The following RASAL1 variants were observed in gnomAD, a reference collection of about 807,000 sequenced individuals.
The protein encoded by RASAL1 is RAS protein activator like 1.
RASAL1 carries 72 observed loss-of-function variants against 96.6 expected under a neutral mutation model. The ratio of observed to expected loss-of-function variants is 0.75; its 90% CI spans 0.62 to 0.91. RASAL1 has a LOEUF of 0.91. Among genes scored for constraint, RASAL1 ranks in the 40% least tolerant of loss-of-function variants. The probability of loss-of-function intolerance (pLI) is 0.00; values close to 1 mark genes in which losing one functional copy is unlikely to be tolerated. For synonymous variants in RASAL1, 405 were observed against 430.4 expected (o/e 0.94, Z 0.73); for missense variants, 1,016 against 1,072.5 (o/e 0.95, Z 0.74).
intron 14 of RASAL1, among the ~76,000 whole-genome samples, chr12:113,107,755 A>G (rs1950703575): frequency 1.3e-5 from 2 of 151,162 alleles, no homozygotes; most frequent in South Asian, 4.2e-4. Context: ...CTCCCCAAGA[A>G]CTGCTCAGTC....
In RASAL1 at chr12:113,129,007, CCATT is replaced by C. The variant is rs1951602343; in HGVS notation, c.123-833_123-830del. Among the ~76,000 whole-genome samples the C allele has an allele frequency of 6.8e-6, 1 of 147,612 alleles. No homozygotes were observed. The highest frequency in any genetic ancestry group is 2.6e-5 in the African/African-American group (1 of 38,708). On this transcript the variant is annotated intron_variant, in intron 2 of 20. Transcript: ENST00000548055. The surrounding 1 kb of genome is among the most constrained non-coding windows in gnomAD (Gnocchi z 5.0). ...CACACACACACACACACACACAATT[CCATT>C]CATTCATTTGTTCATTCGTTTACTC... is the stretch of plus-strand genomic sequence containing the variant.
In RASAL1 at chr12:113,112,115, C is replaced by T; in HGVS notation, c.1345G>A (p.Glu449Lys). 2 of 1,246,758 alleles carry T rather than the reference C, an allele frequency of 1.6e-6. No homozygotes were observed. The highest frequency in any genetic ancestry group is 7.7e-5 in the South Asian group (2 of 26,098). 77.2% of individuals were successfully genotyped at this position (1,246,758 alleles called of 1,614,324 possible). A position where few individuals can be genotyped will look rare whatever the true frequency, so the allele number is the denominator to read the frequency against. The change falls in exon 13 of 21, where the codon GAG becomes AAG. Residue 449 changes from glutamate to lysine, a missense_variant. Physicochemically the swap from Glu to Lys is moderately conservative, Grantham distance 56 (BLOSUM62 1). Transcript: ENST00000548055. ...TGCTCGGCCTGGGGGAAGCGCTCCT[C>T]CACTCGCCGGTGCAGCTGCTTGAAG... The part of the protein sequence containing the change: ...LAFKQLHRRV[E>K]ERFPQAEHQD...
Position 113,099,498 on chromosome 12 carries a change from G to A in RASAL1, c.*431C>T, listed in dbSNP as rs1271661448. The A allele has an allele frequency of 6.4e-6, 1 of 155,734 alleles. No homozygotes were observed. The highest frequency in any genetic ancestry group is 1.4e-5 in the Non-Finnish European group (1 of 70,538). 9.6% of individuals were successfully genotyped at this position (155,734 alleles called of 1,614,324 possible). The stretch of plus-strand genomic sequence containing the variant: ...ATCAGTGAGGTTATAGGGATTAGCA[G>A]ACATGAAAACAGGAAGGAGTGAGGC... On this transcript the variant is annotated 3_prime_UTR_variant, in exon 21 of 21. Coordinates refer to ENST00000548055, the MANE Select transcript of RASAL1 (RefSeq NM_001301202.2).
At position 113,127,846 on chromosome 12, in the gene RASAL1, C is replaced by G; in HGVS notation, c.264G>C (p.Ser88=). The G allele has an allele frequency of 1.2e-6, 2 of 1,613,326 alleles. No individual in the cohort carries two copies. The highest frequency in any genetic ancestry group is 1.7e-6 in the Non-Finnish European group (2 of 1,179,360). ...CGGCTGTAATCGCCTCCCTGCTCAG[C>G]GAGATCTTGCCGATGATGTCGTCGT... ...VGHDDIIGKI[S]LSREAITADP... Residue 88 remains serine, a synonymous_variant, in exon 4 of 21, where the codon TCG becomes TCC. Transcript: ENST00000548055.
At chr12:113,125,400 A>G (rs1400974700) in intron 4 of RASAL1, among the ~76,000 whole-genome samples, 1 of 152,228 alleles carries the variant, frequency 6.6e-6, no homozygotes, top group African/African-American at 2.4e-5. Context: ...CTACAAATCA[A>G]TAAGAAAAGG....
intron 12 of RASAL1, 30 bp downstream of exon 12, chr12:113,114,770 G>A (rs375978420): frequency 2.4e-5 from 38 of 1,585,630 alleles, no homozygotes; most frequent in African/African-American, 5.4e-5. Flanking sequence ...GGGGCCCGTC[G>A]GAAGGTCAGG....
intron 7 of RASAL1, among the ~76,000 whole-genome samples, chr12:113,118,825 G>A (rs138458660): frequency 6.6e-6 from 1 of 152,156 alleles, no homozygotes; most frequent in Non-Finnish European, 1.5e-5. Flanking sequence ...AAGTAATGAG[G>A]CTCTGTGGGA....
intron 7 of RASAL1, 72 bp from the exon 8 acceptor site, chr12:113,117,233 T>A: frequency 8.5e-7 from 1 of 1,177,594 alleles, no homozygotes; most frequent in Non-Finnish European, 1.2e-6. Flanking sequence ...AGGTCTCACC[T>A]AGCCCTGGAA....
Position 113,115,226 on chromosome 12 carries a change from A to G in RASAL1, c.1042T>C (p.Ser348Pro), listed in dbSNP as rs762780652. 1.2e-6 allele frequency: 2 copies of G among 1,613,978 alleles called. No homozygotes were observed. Among genetic ancestry groups the G allele is most frequent in the South Asian group, 1.1e-5 (1 of 91,074 alleles). ...NTLFRSNSLASKSMEQFMKLV... is the reference protein window; with the variant it reads ...NTLFRSNSLAPKSMEQFMKLV... ...TTCATAAACTGTTCCATCGACTTGG[A>G]TGCCAGGGAGTTAGAACGGAAGAGG... is the stretch of plus-strand genomic sequence containing the variant. The change falls in exon 11 of 21, where the codon TCC becomes CCC. Residue 348 changes from serine (S) to proline (P), a missense_variant. Coordinates refer to ENST00000548055, the MANE Select transcript of RASAL1 (RefSeq NM_001301202.2). The surrounding 1 kb of genome is among the most constrained non-coding windows in gnomAD (Gnocchi z 4.1).
chr12:113,119,488 T>C, intron 5 of RASAL1, 45 bp from the exon 6 acceptor site: 6 of 1,547,202 alleles, frequency 3.9e-6, no homozygotes, highest in Non-Finnish European at 4.4e-6. Context: ...GGCACCCAAG[T>C]TGGGCCTTGG....
Position 113,099,591 on chromosome 12 carries a change from C to A in RASAL1, c.*338G>T. ...GGAATTCAGGTCCAGCTGTATCCAGCAGCTCAGGGCCAGGCTGGCCTCCTT... is the reference window on the plus strand; with the variant it reads ...GGAATTCAGGTCCAGCTGTATCCAGAAGCTCAGGGCCAGGCTGGCCTCCTT... On this transcript the variant is annotated 3_prime_UTR_variant, in exon 21 of 21. Transcript: ENST00000548055. 4.5e-6 allele frequency: 1 copy of A among 220,294 alleles called. No individual in the cohort carries two copies. The highest frequency in any genetic ancestry group is 8.9e-6 in the Non-Finnish European group (1 of 112,660). The allele number at this position is 220,294 out of a possible 1,614,324, so 13.6% of individuals were successfully genotyped here. A position where few individuals can be genotyped will look rare whatever the true frequency, so the allele number is the denominator to read the frequency against.
chr12:113,124,207 G>C (rs1202009881), intron 4 of RASAL1, among the ~76,000 whole-genome samples: 2 of 118,076 alleles, frequency 1.7e-5, no homozygotes, highest in African/African-American at 3.4e-5. Flanking sequence ...GATAGAGCGA[G>C]ACTCTGTCTC....
At chr12:113,106,696 T>A (rs1950658878) in intron 15 of RASAL1, among the ~76,000 whole-genome samples, 1 of 152,144 alleles carries the variant, frequency 6.6e-6, no homozygotes, top group South Asian at 2.1e-4. Flanking sequence ...ACATACCACA[T>A]AACTTGCTTA....
At chr12:113,126,330 ACAGAG>A (rs762857890) in intron 4 of RASAL1, among the ~76,000 whole-genome samples, 11 of 152,168 alleles carry the variant, frequency 7.2e-5, no homozygotes, top group Non-Finnish European at 1.0e-4. Flanking sequence ...AAGGCAAGAT[ACAGAG>A]CAGAGTGTAA....
chr12:113,112,304 G>C (rs770869596), intron 12 of RASAL1, 26 bp from the exon 13 acceptor site: 3 of 1,250,452 alleles, frequency 2.4e-6, no homozygotes, highest in African/African-American at 1.5e-5. Flanking sequence ...GAGCAGCTCA[G>C]CCTCGGGGCA....
chr12:113,114,702 C>T, intron 12 of RASAL1, 98 bp downstream of exon 12: 1 of 987,454 alleles, frequency 1.0e-6, no homozygotes, highest in South Asian at 1.4e-5. Context: ...GCTGTAGCCC[C>T]AGGGTGGGTG....
At position 113,119,402 on chromosome 12, in the gene RASAL1, A is replaced by AATGGGTCAGATGTGCAG. The variant is rs1378301960; in HGVS notation, c.469_470insCTGCACATCTGACCCAT (p.Phe157SerfsTer102). ...CTGGCTGCCCCAAAACACACGTGCAAATGGGTCAGATGTGCCAGAGATGTC... is the reference window on the plus strand; with the variant it reads ...CTGGCTGCCCCAAAACACACGTGCAAATGGGTCAGATGTGCAGATGGGTCAGATGTGCCAGAGATGTC... On this transcript the variant is annotated frameshift_variant, in exon 6 of 21. Transcript: ENST00000548055. LOFTEE classifies it high-confidence loss of function. 3.1e-6 allele frequency: 5 copies of AATGGGTCAGATGTGCAG among 1,611,034 alleles called. No homozygotes were observed. The highest frequency in any genetic ancestry group is 3.4e-6 in the Non-Finnish European group (4 of 1,178,394).
chr12:113,117,008 C>G, intron 8 of RASAL1, 65 bp downstream of exon 8: 1 of 1,363,834 alleles, frequency 7.3e-7, no homozygotes, highest in Non-Finnish European at 1.0e-6. Context: ...GGGCTCTGCC[C>G]GCAAGCTGTG....
intron 5 of RASAL1, among the ~76,000 whole-genome samples, chr12:113,121,187 T>A (rs1178656177): frequency 1.3e-5 from 2 of 152,198 alleles, no homozygotes; most frequent in Non-Finnish European, 2.9e-5. Flanking sequence ...TATAAGCCAA[T>A]AAAGTAGCTC....
Sources: gnomAD v4.1 joint callset for allele counts (sites outside exome capture counted in the v4.1 genomes callset) on GRCh38, gnomAD v4.1.1 for gene constraint, Gnocchi (gnomAD v3.1) non-coding constraint, MANE v1.5 for transcripts, NCBI Gene and HGNC (gene_info 2026-07-23, HGNC 2026-07-21) for gene names.